The following EYA1 variants were observed in gnomAD, a reference collection of about 807,000 sequenced individuals.
EYA1 encodes the protein EYA transcriptional coactivator and phosphatase 1, also known as protein phosphatase EYA1.
Under a neutral mutation model 82.0 loss-of-function variants are expected in EYA1, and 16 were observed. That is an observed-to-expected ratio of 0.20 (90% CI 0.13 to 0.30). The LOEUF (loss-of-function observed/expected upper bound fraction) is 0.30. Ranked by LOEUF, EYA1 falls within the 10% of genes least tolerant of loss-of-function variation. The pLI, the probability that EYA1 is intolerant of heterozygous loss-of-function variation, is 1.00. For synonymous variants in EYA1, 261 were observed against 264.4 expected, an observed-to-expected ratio of 0.99 and a Z score of 0.12; for missense variants, 633 against 730.7, an observed-to-expected ratio of 0.87 and a Z score of 1.54.
intron 3 of EYA1, among the ~76,000 whole-genome samples, chr8:71,340,536 A>C (rs1001552891): frequency 1.3e-5 from 2 of 152,100 alleles, no homozygotes; most frequent in East Asian, 3.9e-4. Context: ...CAAATTTTAC[A>C]CGTGACTAAA....
chr8:71,354,558 A>C (rs773695119), intron 3 of EYA1, among the ~76,000 whole-genome samples: 33 of 152,238 alleles, frequency 2.2e-4, no homozygotes, highest in Non-Finnish European at 3.8e-4. Flanking sequence ...GTATATATGT[A>C]TATGCATTTG....
chr8:71,474,104 G>A (rs945285192), intron 2 of EYA1, among the ~76,000 whole-genome samples: 5 of 151,766 alleles, frequency 3.3e-5, no homozygotes, highest in East Asian at 1.9e-4. Flanking sequence ...TGTAGATGAC[G>A]GGTTGATGGG....
At chr8:71,390,449 G>T (rs1255842566) in intron 2 of EYA1, among the ~76,000 whole-genome samples, 5 of 152,020 alleles carry the variant, frequency 3.3e-5, no homozygotes, top group African/African-American at 1.2e-4. Flanking sequence ...TTTTTGTGGA[G>T]ATGGGATCTT....
chr8:71,239,450 A>C (rs1812215513), intron 12 of EYA1, among the ~76,000 whole-genome samples: 1 of 152,214 alleles, frequency 6.6e-6, no homozygotes, highest in African/African-American at 2.4e-5. Context: ...TTTCATGGTC[A>C]ACATATATAA....
At chr8:71,530,451 G>A (rs1327583779) in intron 2 of EYA1, among the ~76,000 whole-genome samples, 1 of 152,132 alleles carries the variant, frequency 6.6e-6, no homozygotes, top group Non-Finnish European at 1.5e-5. Context: ...AAGAATGCAG[G>A]CTTCTAATAA....
intron 2 of EYA1, among the ~76,000 whole-genome samples, chr8:71,517,731 G>A (rs1387635238): frequency 3.9e-5 from 5 of 129,112 alleles, no homozygotes; most frequent in Non-Finnish European, 8.3e-5. Context: ...ATATATAACT[G>A]TATACATATA....
chr8:71,374,969 T>G (rs1168934531), intron 2 of EYA1, among the ~76,000 whole-genome samples: 1 of 152,098 alleles, frequency 6.6e-6, no homozygotes, highest in East Asian at 1.9e-4. Flanking sequence ...AAGAGTATAA[T>G]GTGGTTACCA....
At chr8:71,311,972 C>T (rs186107821) in intron 7 of EYA1, among the ~76,000 whole-genome samples, 65 of 152,254 alleles carry the variant, frequency 4.3e-4, no homozygotes, top group Admixed American at 3.3e-3. Context: ...AGGGTGATTC[C>T]AGAAGGATCA....
intron 2 of EYA1, among the ~76,000 whole-genome samples, chr8:71,503,404 C>T (rs1467580302): frequency 6.6e-6 from 1 of 151,468 alleles, no homozygotes; most frequent in Non-Finnish European, 1.5e-5. Flanking sequence ...ATCCAGGAGG[C>T]AGAGGTTGCA....
chr8:71,475,232 G>A (rs193081727), intron 2 of EYA1, among the ~76,000 whole-genome samples: 221 of 152,314 alleles, frequency 1.5e-3, no homozygotes, highest in African/African-American at 4.9e-3. Context: ...ATATAATAGT[G>A]TGTGTAGCTA....
chr8:71,292,681 A>T (rs757802490), intron 9 of EYA1, among the ~76,000 whole-genome samples: 1 of 152,022 alleles, frequency 6.6e-6, no homozygotes. Context: ...AAATATATAC[A>T]TCATTAAAAG....
chr8:71,510,340 G>A (rs1377217970), intron 2 of EYA1, among the ~76,000 whole-genome samples: 1 of 152,162 alleles, frequency 6.6e-6, no homozygotes, highest in Non-Finnish European at 1.5e-5. Context: ...GCTTGAGCAT[G>A]AGATGTTGCA....
chr8:71,334,651 C>T (rs918992545), intron 3 of EYA1, among the ~76,000 whole-genome samples: 11 of 152,172 alleles, frequency 7.2e-5, no homozygotes, highest in African/African-American at 2.7e-4. Flanking sequence ...CACACACACA[C>T]ACCTTCTGGG....
At chr8:71,308,584 T>A (rs1820981493) in intron 7 of EYA1, among the ~76,000 whole-genome samples, 1 of 152,156 alleles carries the variant, frequency 6.6e-6, no homozygotes, top group Admixed American at 6.5e-5. Flanking sequence ...ACATCTTCAC[T>A]ACCTCTTCGT....
chr8:71,321,706 G>A (rs774900868), intron 6 of EYA1, 28 bp downstream of exon 6: 10 of 1,611,804 alleles, frequency 6.2e-6, no homozygotes, highest in South Asian at 4.4e-5. Context: ...ATGCGATAAC[G>A]CCACCACTAC....
intron 1 of EYA1, among the ~76,000 whole-genome samples, chr8:71,357,611 C>T (rs1255058182): frequency 1.3e-5 from 2 of 152,162 alleles, no homozygotes; most frequent in Admixed American, 6.5e-5. Context: ...TAAAGCATCT[C>T]GAATGGCATT....
chr8:71,360,515 C>G (rs1422637963), intron 1 of EYA1, among the ~76,000 whole-genome samples: 1 of 152,162 alleles, frequency 6.6e-6, no homozygotes, highest in African/African-American at 2.4e-5. Context: ...TGTCTGTCAC[C>G]GCAAAGAATG....
chr8:71,523,069 A>G (rs1292941346), intron 2 of EYA1, among the ~76,000 whole-genome samples: 1 of 151,704 alleles, frequency 6.6e-6, no homozygotes, highest in Non-Finnish European at 1.5e-5. Flanking sequence ...AGAATTTACT[A>G]TCTTTTCTCA....
chr8:71,522,102 T>A (rs932030625), intron 2 of EYA1, among the ~76,000 whole-genome samples: 2 of 152,228 alleles, frequency 1.3e-5, no homozygotes, highest in Non-Finnish European at 2.9e-5. Context: ...ATAATCTGTA[T>A]GTGCTTTATG....
Sources: gnomAD v4.1 joint callset for allele counts (sites outside exome capture counted in the v4.1 genomes callset) on GRCh38, gnomAD v4.1.1 for gene constraint, MANE v1.5 for transcripts, NCBI Gene and HGNC (gene_info 2026-07-23, HGNC 2026-07-21) for gene names.